The following FEZ1 variants were observed in gnomAD, a reference collection of about 807,000 sequenced individuals.
The protein encoded by FEZ1 is fasciculation and elongation protein zeta 1.
FEZ1 carries 20 observed loss-of-function variants against 49.3 expected under a neutral mutation model. The observed-to-expected ratio is 0.41, with a 90% CI of 0.29 to 0.59. FEZ1 has a LOEUF of 0.59. Ranked by LOEUF, FEZ1 falls within the 20% of genes least tolerant of loss-of-function variation. The pLI is 0.36. For synonymous variants in FEZ1, 170 were observed against 180.9 expected, an observed-to-expected ratio of 0.94 and a Z score of 0.48; for missense variants, 413 against 476.0, an observed-to-expected ratio of 0.87 and a Z score of 1.23.
intron 3 of FEZ1, among the ~76,000 whole-genome samples, chr11:125,476,701 A>G (rs1040074984): frequency 6.6e-6 from 1 of 152,232 alleles, no homozygotes; most frequent in Non-Finnish European, 1.5e-5. Context: ...GCCTAAAAAG[A>G]AGGACTGGGA....
At position 125,481,586 on chromosome 11, in the gene FEZ1, T is replaced by C; in HGVS notation, c.359A>G (p.Asp120Gly). Residue 120 changes from aspartate to glycine, a missense_variant, in exon 3 of 10, where the codon GAC becomes GGC. Physicochemically the swap from Asp to Gly is moderately conservative, Grantham distance 94 (BLOSUM62 -1). Transcript: ENST00000278919. ...TDNYIPSLSE[D>G]WRDPNIEALN... ...AGCCTCGATGTTTGGATCCCTCCAG[T>C]CTTCTGAGAGTGAAGGGATGTAATT... 1 of 1,613,598 alleles carries C rather than the reference T, an allele frequency of 6.2e-7. No homozygotes were observed. Among genetic ancestry groups the C allele is most frequent in the African/African-American group, 1.3e-5 (1 of 75,034 alleles).
At chr11:125,475,375 A>G (rs1049686136) in intron 3 of FEZ1, among the ~76,000 whole-genome samples, 1 of 152,110 alleles carries the variant, frequency 6.6e-6, no homozygotes, top group Admixed American at 6.5e-5. Context: ...GCAAATTAGA[A>G]CTGAAATAAG....
intron 3 of FEZ1, among the ~76,000 whole-genome samples, chr11:125,474,617 C>T (rs912097554): frequency 1.3e-5 from 2 of 152,088 alleles, no homozygotes; most frequent in Non-Finnish European, 2.9e-5. Flanking sequence ...TGGCCAAGCA[C>T]GGTGGCTCAT....
intron 6 of FEZ1, among the ~76,000 whole-genome samples, chr11:125,454,773 T>C (rs1315560441): frequency 3.3e-5 from 5 of 151,970 alleles, no homozygotes; most frequent in African/African-American, 1.2e-4. Flanking sequence ...CCCAGCACTT[T>C]GGGAGGCCGA....
intron 1 of FEZ1, among the ~76,000 whole-genome samples, chr11:125,492,735 T>A (rs1326506214): frequency 6.6e-6 from 1 of 152,198 alleles, no homozygotes; most frequent in African/African-American, 2.4e-5. Flanking sequence ...CTTTTTGGAC[T>A]AAATGAGATC....
In FEZ1 at chr11:125,444,864, G is replaced by A. The variant is rs182122561; in HGVS notation, c.*1231C>T. ...GCTTGGTTTCCTCCTCTGCAAAATC[G>A]GGATCATACTAGCACCTGTTTACAC... On this transcript the variant is annotated 3_prime_UTR_variant, in exon 10 of 10. Transcript: ENST00000278919. 4.6e-5 allele frequency among the ~76,000 whole-genome samples: 7 copies of A among 152,296 alleles called. No homozygotes were observed. Among genetic ancestry groups the A allele is most frequent in the South Asian group, 4.2e-4 (2 of 4,812 alleles).
rs1057223287 is a variant in FEZ1, at chr11:125,442,995, C to A, written c.*3100G>T. Among the ~76,000 whole-genome samples, 7 of 152,098 alleles carry A rather than the reference C, an allele frequency of 4.6e-5. No individual in the cohort carries two copies. The highest frequency in any genetic ancestry group is 1.7e-4 in the African/African-American group (7 of 41,410). On this transcript the variant is annotated 3_prime_UTR_variant, in exon 10 of 10. Coordinates refer to ENST00000278919, the MANE Select transcript of FEZ1 (RefSeq NM_005103.5). Reference sequence around the variant, plus strand: ...AGGTGATCTGCCCACCTCGGCCTCCCAAAGTTCTGGGATTACAGGCATGAG... The same window carrying A: ...AGGTGATCTGCCCACCTCGGCCTCCAAAAGTTCTGGGATTACAGGCATGAG...
At chr11:125,493,263 G>A (rs1957400181) in intron 1 of FEZ1, among the ~76,000 whole-genome samples, 1 of 151,314 alleles carries the variant, frequency 6.6e-6, no homozygotes, top group Non-Finnish European at 1.5e-5. Flanking sequence ...GAGCCCAAGA[G>A]GCAGAGGTTG....
At chr11:125,469,057 C>A (rs977031961) in intron 3 of FEZ1, 1 of 152,300 alleles carries the variant, frequency 6.6e-6, no homozygotes, top group Non-Finnish European at 1.5e-5. Context: ...ACCAGACAGA[C>A]CTCTGGCCTC....
Position 125,489,080 on chromosome 11 carries a change from G to A in FEZ1, c.311+387C>T, listed in dbSNP as rs1260647468. On this transcript the variant is annotated intron_variant, in intron 2 of 9. Transcript: ENST00000278919. The surrounding 1 kb of genome is among the most constrained non-coding windows in gnomAD (Gnocchi z 4.2). ...TTTCAAAATTCTGGTGTTTCTTGAA[G>A]CAAATTAGTCCAATAACATAGATTC... is the stretch of plus-strand genomic sequence containing the variant. 1.0e-6 allele frequency: 1 copy of A among 989,060 alleles called. No individual in the cohort carries two copies. The highest frequency in any genetic ancestry group is 1.7e-5 in the African/African-American group (1 of 57,386). 61.3% of individuals were successfully genotyped at this position (989,060 alleles called of 1,614,324 possible).
At chr11:125,493,371 AAAGAAAGAAAGAAAGAAAG>A (rs2135793109) in intron 1 of FEZ1, among the ~76,000 whole-genome samples, 2 of 38,522 alleles carry the variant, frequency 5.2e-5, no homozygotes, top group South Asian at 9.0e-4. Flanking sequence ...GAAAAGAAAG[AAAGAAAGAAAGAAAGAAAG>A]AAAGAAAGAA....
intron 3 of FEZ1, among the ~76,000 whole-genome samples, chr11:125,466,371 A>C (rs571447696): frequency 6.6e-6 from 1 of 152,168 alleles, no homozygotes; most frequent in East Asian, 1.9e-4. Flanking sequence ...CCAACTACTC[A>C]GGAGGCTGAG....
In FEZ1 at chr11:125,456,834, A is replaced by C. The variant is rs374188181; in HGVS notation, c.668-728T>G. Among the ~76,000 whole-genome samples the C allele has an allele frequency of 1.5e-4, 23 of 152,344 alleles. No individual in the cohort carries two copies. The East Asian group carries it at 4.0e-3, about 27-fold the overall frequency. The stretch of plus-strand genomic sequence containing the variant: ...CCAAATTTTTCTGTTTACATGTTAT[A>C]TATTTTCATAGTTGAGATTATACTT... On this transcript the variant is annotated intron_variant, in intron 5 of 9. Transcript: ENST00000278919.
At chr11:125,452,492 A>T (rs1565531325) in intron 7 of FEZ1, 83 bp from the exon 8 acceptor site, 1 of 855,532 alleles carries the variant, frequency 1.2e-6, no homozygotes, top group Non-Finnish European at 2.0e-6. Context: ...TCTAAGACAC[A>T]CACTGCAAAT....
At chr11:125,453,471 T>C (rs925446212) in intron 7 of FEZ1, 2 of 152,226 alleles carry the variant, frequency 1.3e-5, no homozygotes, top group Non-Finnish European at 2.9e-5. Flanking sequence ...TTAAAACATA[T>C]ACACTTTCAT....
chr11:125,466,274 A>G lies in FEZ1; in HGVS notation c.412-2704T>C, dbSNP rs189705316. 3.9e-3 allele frequency among the ~76,000 whole-genome samples: 587 copies of G among 152,268 alleles called. 4 individuals carry two copies. Among genetic ancestry groups the G allele is most frequent in the African/African-American group, 0.014 (562 of 41,558 alleles). On this transcript the variant is annotated intron_variant, in intron 3 of 9. Coordinates refer to ENST00000278919, the MANE Select transcript of FEZ1 (RefSeq NM_005103.5). ...GATGAGAGGATTGCTTGAGTCCAGG[A>G]GTTCGAGACCAACCTGGGCAACATG... is the stretch of plus-strand genomic sequence containing the variant.
At chr11:125,450,114 G>A (rs1202206663) in intron 8 of FEZ1, among the ~76,000 whole-genome samples, 8 of 150,828 alleles carry the variant, frequency 5.3e-5, no homozygotes, top group East Asian at 2.0e-4. Context: ...TGCAACCTCC[G>A]CCTCCCGGGT....
Position 125,495,612 on chromosome 11 carries a change from G to C in FEZ1, c.-46+509C>G, listed in dbSNP as rs1269306634. 2 of 465,534 alleles carry C rather than the reference G, an allele frequency of 4.3e-6. No individual in the cohort carries two copies. The highest frequency in any genetic ancestry group is 1.4e-4 in the East Asian group (2 of 14,294). The allele number at this position is 465,534 out of a possible 1,614,324, so 28.8% of individuals were successfully genotyped here. On this transcript the variant is annotated intron_variant, in intron 1 of 9. Transcript: ENST00000278919. The surrounding 1 kb of genome is among the most constrained non-coding windows in gnomAD (Gnocchi z 4.2). ...TCTGGGGAGGGGCACGAGCGGGGTC[G>C]GGGGTAAGTTTTTAGGGACAAAGAT... is the stretch of plus-strand genomic sequence containing the variant.
At chr11:125,469,749 T>A (rs1591592411) in intron 3 of FEZ1, among the ~76,000 whole-genome samples, 2 of 148,254 alleles carry the variant, frequency 1.3e-5, no homozygotes, top group Non-Finnish European at 1.5e-5. Context: ...TTTTTTTTTT[T>A]AATTTTTTGT....
Sources: gnomAD v4.1 joint callset for allele counts (sites outside exome capture counted in the v4.1 genomes callset) on GRCh38, gnomAD v4.1.1 for gene constraint, Gnocchi (gnomAD v3.1) non-coding constraint, MANE v1.5 for transcripts, NCBI Gene and HGNC (gene_info 2026-07-23, HGNC 2026-07-21) for gene names.